The following MALRD1 variants were observed in gnomAD, a reference collection of about 807,000 sequenced individuals.
MALRD1 encodes the protein MAM and LDL-receptor class A domain-containing protein 1.
MALRD1 carries 247 observed loss-of-function variants against 242.1 expected under a neutral mutation model. The observed-to-expected ratio is 1.02, with a 90% confidence interval of 0.92 to 1.13. The LOEUF (loss-of-function observed/expected upper bound fraction) is 1.13. Among genes scored for constraint, MALRD1 ranks in the 50% most tolerant of loss-of-function variants. MALRD1 has a pLI of 0.00. For synonymous variants in MALRD1, 995 were observed against 866.6 expected (o/e 1.15, Z -2.60); for missense variants, 2,989 against 2,533.1 (o/e 1.18, Z -3.86).
chr10:19,607,187 G>T (rs191380833), intron 34 of MALRD1, among the ~76,000 whole-genome samples: 2 of 152,268 alleles, frequency 1.3e-5, no homozygotes, highest in African/African-American at 4.8e-5. Context: ...TGCATTTGAT[G>T]ATATGTGTAA....
chr10:19,684,201 A>C (rs1263402198), intron 36 of MALRD1, among the ~76,000 whole-genome samples: 1 of 152,146 alleles, frequency 6.6e-6, no homozygotes, highest in Non-Finnish European at 1.5e-5. Flanking sequence ...TCTCCATCAG[A>C]TTGCACCCTT....
At chr10:19,704,269 G>A (rs144262175) in intron 38 of MALRD1, among the ~76,000 whole-genome samples, 65 of 152,182 alleles carry the variant, frequency 4.3e-4, no homozygotes, top group African/African-American at 1.5e-3. Context: ...TAAACTCGGT[G>A]GTATAAACAA....
intron 21 of MALRD1, among the ~76,000 whole-genome samples, chr10:19,306,914 C>T (rs1042733861): frequency 6.6e-6 from 1 of 151,244 alleles, no homozygotes; most frequent in Non-Finnish European, 1.5e-5. Flanking sequence ...ATGATTCAGT[C>T]GCCTCCCACC....
At chr10:19,169,336 A>G (rs1266799809) in intron 13 of MALRD1, among the ~76,000 whole-genome samples, 1 of 152,230 alleles carries the variant, frequency 6.6e-6, no homozygotes, top group Non-Finnish European at 1.5e-5. Context: ...GATTTTATAC[A>G]TACACAATAT....
rs367725784 is a variant in MALRD1, at chr10:19,581,839, G to C, written c.5681-13355G>C. ...GAACTAGTTGACAGTCCCACCAACA[G>C]TGTAAAAGTGTTCCTATTTCTCCAC... On this transcript the variant is annotated intron_variant, in intron 33 of 39. Coordinates refer to ENST00000454679, the MANE Select transcript of MALRD1 (RefSeq NM_001142308.3). 2.6e-3 allele frequency among the ~76,000 whole-genome samples: 390 copies of C among 151,880 alleles called. 7 individuals carry two copies. In the East Asian group the frequency reaches 0.058, roughly 23 times the overall value.
intron 32 of MALRD1, among the ~76,000 whole-genome samples, chr10:19,566,662 T>G (rs1836270547): frequency 6.6e-6 from 1 of 150,976 alleles, no homozygotes; most frequent in Admixed American, 6.6e-5. Context: ...TATAAATATA[T>G]AGAGATATAT....
intron 19 of MALRD1, among the ~76,000 whole-genome samples, chr10:19,266,382 T>G (rs893918689): frequency 1.3e-5 from 2 of 151,976 alleles, no homozygotes; most frequent in Non-Finnish European, 2.9e-5. Flanking sequence ...GTGTATTTAC[T>G]ATAGGTTTTT....
intron 21 of MALRD1, among the ~76,000 whole-genome samples, chr10:19,313,835 C>G (rs993945836): frequency 1.3e-5 from 2 of 151,382 alleles, no homozygotes; most frequent in African/African-American, 4.8e-5. Context: ...GTGGTTGCCC[C>G]TAATGAGAAT....
At chr10:19,636,636 C>T (rs148411490) in intron 36 of MALRD1, among the ~76,000 whole-genome samples, 2 of 152,052 alleles carry the variant, frequency 1.3e-5, no homozygotes, top group Non-Finnish European at 2.9e-5. Flanking sequence ...CAGTGGCTCA[C>T]GTCTGTAATC....
At chr10:19,454,496 T>G (rs1835529142) in intron 29 of MALRD1, among the ~76,000 whole-genome samples, 1 of 146,820 alleles carries the variant, frequency 6.8e-6, no homozygotes. Context: ...CAGATATTCC[T>G]GGACTTATGA....
chr10:19,323,087 T>G (rs1842970402), intron 21 of MALRD1, among the ~76,000 whole-genome samples: 1 of 152,292 alleles, frequency 6.6e-6, no homozygotes, highest in African/African-American at 2.4e-5. Flanking sequence ...CCTTTTTAAT[T>G]TAAGCCTAGG....
intron 32 of MALRD1, among the ~76,000 whole-genome samples, chr10:19,539,857 CGTGTGTGTGTGTGTGTGTGTGTGTGTGT>C (rs368123598): frequency 1.2e-4 from 15 of 126,924 alleles, no homozygotes; most frequent in African/African-American, 3.9e-4. Flanking sequence ...CAGCTTTGTG[CGTGTGTGTGTGTGTGTGTGTGTGTGTGT>C]GTGTGTGTGT....
intron 24 of MALRD1, among the ~76,000 whole-genome samples, chr10:19,332,921 C>A (rs572721786): frequency 6.6e-6 from 1 of 152,010 alleles, no homozygotes; most frequent in Middle Eastern, 3.2e-3. Context: ...ATGTGCACAA[C>A]GTGCAGGTTT....
intron 18 of MALRD1, among the ~76,000 whole-genome samples, chr10:19,229,807 ATGTATTCTCTAGAC>A (rs1208281999): frequency 1.3e-5 from 2 of 152,100 alleles, no homozygotes; most frequent in Non-Finnish European, 2.9e-5. Flanking sequence ...GAGTTTTTTG[ATGTATTCTCTAGAC>A]TGCTGTGACC....
chr10:19,693,305 T>A (rs1833197395), intron 38 of MALRD1, among the ~76,000 whole-genome samples: 1 of 151,996 alleles, frequency 6.6e-6, no homozygotes, highest in Non-Finnish European at 1.5e-5. Flanking sequence ...GCAGACGACA[T>A]GATTGTATAT....
intron 31 of MALRD1, among the ~76,000 whole-genome samples, chr10:19,520,954 A>G (rs1486566195): frequency 3.9e-5 from 6 of 152,156 alleles, no homozygotes; most frequent in Admixed American, 3.9e-4. Flanking sequence ...GTCTACATTT[A>G]TTTAAAATAT....
At position 19,692,444 on chromosome 10, in the gene MALRD1, G is replaced by A. The variant is rs1833121216; in HGVS notation, c.6218-14G>A. The A allele has an allele frequency of 6.5e-7, 1 of 1,534,188 alleles. No homozygotes were observed. The highest frequency in any genetic ancestry group is 1.4e-5 in the African/African-American group (1 of 72,974). On this transcript the variant is annotated splice_polypyrimidine_tract_variant and intron_variant, in intron 37 of 39. Transcript: ENST00000454679. ...CACTGCATATTTATCTTTTTCTTTG[G>A]TTTAAAATTCCAGATACATGGACTC...
chr10:19,488,086 G>C (rs1837313711), intron 29 of MALRD1, among the ~76,000 whole-genome samples: 1 of 142,616 alleles, frequency 7.0e-6, no homozygotes, highest in Non-Finnish European at 1.6e-5. Context: ...TTAATTTGTT[G>C]AAGTTGATAA....
intron 35 of MALRD1, among the ~76,000 whole-genome samples, chr10:19,614,543 G>A (rs1433976615): frequency 1.3e-5 from 2 of 151,954 alleles, no homozygotes; most frequent in Non-Finnish European, 2.9e-5. Context: ...AGCAACTTGG[G>A]TCTTAACTGA....
Sources: allele counts gnomAD v4.1 joint callset (sites outside exome capture counted in the v4.1 genomes callset), GRCh38; gene constraint gnomAD v4.1.1; transcripts MANE v1.5; gene names NCBI Gene and HGNC (gene_info 2026-07-23, HGNC 2026-07-21).